The following OR52N2 variants were observed in gnomAD, a reference collection of about 807,000 sequenced individuals.
The protein encoded by OR52N2 is olfactory receptor family 52 subfamily N member 2, also known as olfactory receptor 52N2.
For missense variants in OR52N2, 326 were observed against 196.6 expected (o/e 1.66, Z -3.94); for synonymous variants, 129 against 72.0 (o/e 1.79, Z -4.01).
At chr11:5,812,123 G>C (rs1050940974) in intron 1 of OR52N2, among the ~76,000 whole-genome samples, 1 of 152,008 alleles carries the variant, frequency 6.6e-6, no homozygotes, top group Non-Finnish European at 1.5e-5. Flanking sequence ...AATAGGTACA[G>C]CAAACCACCA....
chr11:5,820,903 T>A lies in OR52N2; in HGVS notation c.568T>A (p.Ser190Thr). 1.3e-6 allele frequency: 1 copy of A among 781,064 alleles called. No homozygotes were observed. Among genetic ancestry groups the A allele is most frequent in the Non-Finnish European group, 2.4e-6 (1 of 418,122 alleles). 48.4% of individuals were successfully genotyped at this position (781,064 alleles called of 1,614,324 possible). Residue 190 changes from serine (S) to threonine (T), a missense_variant, in exon 2 of 2, where the codon TCC (serine) becomes ACC (threonine). By Grantham distance (58) the Ser-to-Thr change is moderately conservative. Transcript: ENST00000317037. ...TGACCATATGTCTGTGGCCAAGGTA[T>A]CCTGTGGCAATTTCAAGGTCAATGC... The part of the protein sequence containing the change: ...YCDHMSVAKV[S>T]CGNFKVNAIY...
At chr11:5,818,855 A>T (rs998773645) in intron 1 of OR52N2, among the ~76,000 whole-genome samples, 9 of 152,206 alleles carry the variant, frequency 5.9e-5, no homozygotes, top group Non-Finnish European at 1.3e-4. Context: ...TGGTTTCTTG[A>T]AACAGTGACA....
At chr11:5,813,024 A>C (rs1846376270) in intron 1 of OR52N2, among the ~76,000 whole-genome samples, 1 of 152,014 alleles carries the variant, frequency 6.6e-6, no homozygotes, top group African/African-American at 2.4e-5. Flanking sequence ...ACTAATGGAG[A>C]TGTAAGCACA....
chr11:5,809,329 C>T (rs946964533), intron 1 of OR52N2, among the ~76,000 whole-genome samples: 2 of 151,984 alleles, frequency 1.3e-5, no homozygotes, highest in African/African-American at 4.8e-5. Flanking sequence ...GGGCTGGGGT[C>T]CCCCATGGGC....
At chr11:5,810,502 C>T (rs75962740) in intron 1 of OR52N2, among the ~76,000 whole-genome samples, 5,751 of 108,146 alleles carry the variant, frequency 0.053, 334 homozygotes, top group African/African-American at 0.16. Flanking sequence ...GAAGCAAAAA[C>T]GCAAAGGAAT....
chr11:5,817,134 G>A (rs1231965496), intron 1 of OR52N2, among the ~76,000 whole-genome samples: 1 of 152,048 alleles, frequency 6.6e-6, no homozygotes, highest in African/African-American at 2.4e-5. Context: ...AGAAATTTCT[G>A]GAAATACATA....
chr11:5,820,032 T>C (rs543164492), intron 1 of OR52N2, among the ~76,000 whole-genome samples: 2 of 152,210 alleles, frequency 1.3e-5, no homozygotes, highest in Non-Finnish European at 2.9e-5. Context: ...TAGTACAGTA[T>C]AAGAGTTGTG....
intron 1 of OR52N2, among the ~76,000 whole-genome samples, chr11:5,813,212 T>G (rs545103669): frequency 2.6e-5 from 4 of 151,126 alleles, no homozygotes; most frequent in Admixed American, 2.6e-4. Context: ...AAAGATCAGA[T>G]CAGAAATAAA....
chr11:5,813,950 C>T (rs554091499), intron 1 of OR52N2, among the ~76,000 whole-genome samples: 56 of 152,230 alleles, frequency 3.7e-4, no homozygotes, highest in African/African-American at 1.3e-3. Flanking sequence ...GCAGAAAAAG[C>T]ATTTGACACA....
Position 5,821,479 on chromosome 11 carries a change from A to G in OR52N2, c.*178A>G, listed in dbSNP as rs976430823. 3.6e-6 allele frequency: 2 copies of G among 562,640 alleles called. No individual in the cohort carries two copies. The highest frequency in any genetic ancestry group is 3.8e-5 in the African/African-American group (2 of 53,076). 34.9% of individuals were successfully genotyped at this position (562,640 alleles called of 1,614,324 possible). The stretch of plus-strand genomic sequence containing the variant: ...AATCAAAATAAAGACATAAATTTGT[A>G]AGTCACCATAATATGTCAATTTTCT... On this transcript the variant is annotated 3_prime_UTR_variant, in exon 2 of 2. Transcript: ENST00000317037.
intron 1 of OR52N2, among the ~76,000 whole-genome samples, chr11:5,819,438 T>C (rs1374758445): frequency 6.6e-6 from 1 of 152,152 alleles, no homozygotes; most frequent in Non-Finnish European, 1.5e-5. Context: ...GCTTTTTGAG[T>C]GTAAATTTAG....
intron 1 of OR52N2, among the ~76,000 whole-genome samples, chr11:5,814,589 T>C (rs1256324710): frequency 1.3e-5 from 2 of 152,138 alleles, no homozygotes; most frequent in Non-Finnish European, 2.9e-5. Flanking sequence ...CATTAATAAA[T>C]GGAAATACAT....
rs541807315 is a variant in OR52N2 at position 5,820,519 on chromosome 11, T to C, written c.184T>C (p.Tyr62His). 5.8e-5 allele frequency: 45 copies of C among 778,900 alleles called. No individual in the cohort carries two copies. The Admixed American group carries it at 5.9e-4, about 10-fold the overall frequency. 48.2% of individuals were successfully genotyped at this position (778,900 alleles called of 1,614,324 possible). A position where few individuals can be genotyped will look rare whatever the true frequency, so the allele number is the denominator to read the frequency against. The change falls in exon 2 of 2, where the codon TAC becomes CAC. Residue 62 changes from tyrosine (Y) to histidine (H), a missense_variant. By Grantham distance (83) the Tyr-to-His change is moderately conservative (BLOSUM62 2). Coordinates refer to ENST00000317037, the MANE Select transcript of OR52N2 (RefSeq NM_001005174.3). ...SHEEALHRPM[Y>H]YFLALLSFTD... ...TGAGGAGGCCCTGCACCGGCCCATG[T>C]ACTACTTCCTGGCCCTGCTCTCCTT...
intron 1 of OR52N2, among the ~76,000 whole-genome samples, chr11:5,817,542 C>G (rs1388375735): frequency 6.6e-6 from 1 of 152,090 alleles, no homozygotes; most frequent in African/African-American, 2.4e-5. Context: ...GACATACTTA[C>G]TACTAGTGAA....
chr11:5,813,714 G>A (rs1286458220), intron 1 of OR52N2, among the ~76,000 whole-genome samples: 1 of 151,908 alleles, frequency 6.6e-6, no homozygotes, highest in Non-Finnish European at 1.5e-5. Flanking sequence ...CGCCAGACAA[G>A]GACAACAAAA....
At chr11:5,814,800 C>T (rs2134241651) in intron 1 of OR52N2, among the ~76,000 whole-genome samples, 1 of 152,278 alleles carries the variant, frequency 6.6e-6, no homozygotes, top group East Asian at 1.9e-4. Context: ...CTGGAGGACT[C>T]ACATTTCTGA....
intron 1 of OR52N2, among the ~76,000 whole-genome samples, chr11:5,819,747 G>A (rs1323352554): frequency 6.6e-6 from 1 of 152,030 alleles, no homozygotes; most frequent in East Asian, 1.9e-4. Flanking sequence ...TAAGTTATGT[G>A]GGACATTACT....
At chr11:5,818,301 A>C (rs1422129960) in intron 1 of OR52N2, among the ~76,000 whole-genome samples, 1 of 152,190 alleles carries the variant, frequency 6.6e-6, no homozygotes, top group Non-Finnish European at 1.5e-5. Flanking sequence ...AAAGGCATTA[A>C]ACTTTCTCTA....
chr11:5,812,266 A>G (rs112854291), intron 1 of OR52N2, among the ~76,000 whole-genome samples: 4,954 of 145,388 alleles, frequency 0.034, 154 homozygotes, highest in African/African-American at 0.044. Context: ...AGGCCGAGGC[A>G]GGCGGATCAC....
Sources: allele counts gnomAD v4.1 joint callset (sites outside exome capture counted in the v4.1 genomes callset), GRCh38; gene constraint gnomAD v4.1.1; transcripts MANE v1.5; gene names NCBI Gene and HGNC (gene_info 2026-07-23, HGNC 2026-07-21).